Variants in FMNL3 observed in about 807,000 individuals in gnomAD.
FMNL3 encodes the protein formin-like protein 3.
Under a neutral mutation model 119.6 loss-of-function variants are expected in FMNL3, and 57 were observed. That is an observed-to-expected ratio of 0.48 (90% CI 0.39 to 0.59). The LOEUF (loss-of-function observed/expected upper bound fraction) is 0.59, where lower values mean the gene tolerates loss of function less well. FMNL3 is among the 20% of genes least tolerant of loss of function. The pLI is 0.00. For synonymous variants in FMNL3, 491 were observed against 507.3 expected (o/e 0.97, Z 0.43); for missense variants, 1,053 against 1,323.5 (o/e 0.80, Z 3.17).
At chr12:49,691,459 A>T (rs1944597814) in intron 1 of FMNL3, among the ~76,000 whole-genome samples, 1 of 152,164 alleles carries the variant, frequency 6.6e-6, no homozygotes, top group Admixed American at 6.5e-5. Flanking sequence ...AAGGCTGGAG[A>T]TGCAGCTTTC....
chr12:49,666,278 G>C, intron 2 of FMNL3, 71 bp from the exon 3 acceptor site: 1 of 1,377,782 alleles, frequency 7.3e-7, no homozygotes, highest in South Asian at 1.3e-5. Flanking sequence ...TGAGGAAGAA[G>C]AGCATTCATA....
chr12:49,654,876 T>C, intron 10 of FMNL3, 34 bp downstream of exon 10: 1 of 1,603,642 alleles, frequency 6.2e-7, no homozygotes. Context: ...ACAGCCCTGG[T>C]GGGTATGTGC....
chr12:49,652,614 C>T (rs897459906), intron 13 of FMNL3, among the ~76,000 whole-genome samples: 4 of 152,118 alleles, frequency 2.6e-5, no homozygotes, highest in African/African-American at 9.7e-5. Flanking sequence ...ATTGGAAGCC[C>T]CCTATAAACA....
intron 1 of FMNL3, among the ~76,000 whole-genome samples, chr12:49,676,520 G>GTTTTTTTTTTTTTTTTTTTT (rs58117011): frequency 9.7e-6 from 1 of 102,996 alleles, no homozygotes; most frequent in Non-Finnish European, 2.0e-5. Context: ...TTCATAGTGG[G>GTTTTTTTTTTTTTTTTTTTT]TTTTTTTTTT....
chr12:49,637,021 A>C lies in FMNL3; in HGVS notation c.*8794T>G. 1.0e-6 allele frequency: 1 copy of C among 973,678 alleles called. No individual in the cohort carries two copies. Among genetic ancestry groups the C allele is most frequent in the Non-Finnish European group, 1.5e-6 (1 of 664,326 alleles). 60.3% of individuals were successfully genotyped at this position (973,678 alleles called of 1,614,324 possible). On this transcript the variant is annotated 3_prime_UTR_variant, in exon 26 of 26. Coordinates refer to ENST00000335154, the MANE Select transcript of FMNL3 (RefSeq NM_175736.5). ...AGTCTGTTTCTGCTGTACCTCCTCA[A>C]TTCTGGACTGTGCTCTTCTAGGGAG...
At position 49,642,915 on chromosome 12, in the gene FMNL3, C is replaced by T. The variant is rs1430664707; in HGVS notation, c.*2900G>A. 3.7e-6 allele frequency: 6 copies of T among 1,609,454 alleles called. No homozygotes were observed. The highest frequency in any genetic ancestry group is 5.1e-6 in the Non-Finnish European group (6 of 1,177,516). ...TCTGGTGCTGTCCTCACCCTTCTTC[C>T]TCTGCCTCTAGCAGACTGAATGCCA... is the stretch of plus-strand genomic sequence containing the variant. On this transcript the variant is annotated 3_prime_UTR_variant, in exon 26 of 26. Coordinates refer to ENST00000335154, the MANE Select transcript of FMNL3 (RefSeq NM_175736.5). The surrounding 1 kb of genome is among the most constrained non-coding windows in gnomAD (Gnocchi z 5.8).
rs375776956 is a variant in FMNL3, at chr12:49,649,550, T to C, written c.2236-12A>G. 1.9e-6 allele frequency: 3 copies of C among 1,613,742 alleles called. No homozygotes were observed. The highest frequency in any genetic ancestry group is 2.7e-5 in the African/African-American group (2 of 74,830). On this transcript the variant is annotated splice_polypyrimidine_tract_variant and intron_variant, in intron 18 of 25. Coordinates refer to ENST00000335154, the MANE Select transcript of FMNL3 (RefSeq NM_175736.5). This position sits in a 1 kb window ranked among gnomAD's most constrained non-coding sequence, Gnocchi z 5.6. Reference sequence around the variant, plus strand: ...ATGGCATTGAGTTGCTGTAGGACAATATGAACACTGAAGTAACCCCAGGCT... The same window carrying C: ...ATGGCATTGAGTTGCTGTAGGACAACATGAACACTGAAGTAACCCCAGGCT...
intron 2 of FMNL3, among the ~76,000 whole-genome samples, chr12:49,666,510 G>C (rs184119821): frequency 6.6e-6 from 1 of 152,350 alleles, no homozygotes; most frequent in Admixed American, 6.5e-5. Flanking sequence ...TTACAGAGTT[G>C]TGAACAGCAC....
chr12:49,658,739 G>A, intron 5 of FMNL3, 145 bp from the exon 6 acceptor site: 1 of 975,860 alleles, frequency 1.0e-6, no homozygotes, highest in Admixed American at 3.1e-5. Context: ...AAGCAGAACT[G>A]GGGAGCAGAG....
At chr12:49,663,471 C>T (rs1335356569) in intron 4 of FMNL3, among the ~76,000 whole-genome samples, 2 of 152,230 alleles carry the variant, frequency 1.3e-5, no homozygotes, top group Admixed American at 1.3e-4. Context: ...CCCTGGGTTC[C>T]TGCCACCCTG....
In FMNL3 at chr12:49,646,752, C is replaced by G. The variant is rs61941185; in HGVS notation, c.2995+134G>C. On this transcript the variant is annotated intron_variant, in intron 25 of 25. Transcript: ENST00000335154. ...GGGCCGTGAAAGGGACACTCTTCAG[C>G]ACTGTGGCCCAGGAGAGAGACACAG... is the stretch of plus-strand genomic sequence containing the variant. The G allele has an allele frequency of 4.4e-6, 7 of 1,592,108 alleles. No individual in the cohort carries two copies. In the Middle Eastern group the frequency reaches 5.0e-4, roughly 113 times the overall value.
At chr12:49,676,603 G>A (rs1038831405) in intron 1 of FMNL3, among the ~76,000 whole-genome samples, 22 of 145,308 alleles carry the variant, frequency 1.5e-4, no homozygotes, top group African/African-American at 4.4e-4. Flanking sequence ...GGTAGGGGCC[G>A]TCTTATCCTT....
At position 49,640,706 on chromosome 12, in the gene FMNL3, C is replaced by G; in HGVS notation, c.*5109G>C. On this transcript the variant is annotated 3_prime_UTR_variant, in exon 26 of 26. Transcript: ENST00000335154. Reference sequence around the variant, plus strand: ...TAAGGTTGTGAGAATTAAATAACATCTGTAAAGTGTCTAATAGGTTCTCAA... The same window carrying G: ...TAAGGTTGTGAGAATTAAATAACATGTGTAAAGTGTCTAATAGGTTCTCAA... 1 of 152,208 alleles carries G rather than the reference C, an allele frequency of 6.6e-6. No homozygotes were observed. The highest frequency in any genetic ancestry group is 1.9e-4 in the East Asian group (1 of 5,206). 9.4% of individuals were successfully genotyped at this position (152,208 alleles called of 1,614,324 possible).
At chr12:49,682,359 C>T (rs1018237359) in intron 1 of FMNL3, among the ~76,000 whole-genome samples, 3 of 151,854 alleles carry the variant, frequency 2.0e-5, no homozygotes, top group Non-Finnish European at 2.9e-5. Context: ...CGTGAGCCAC[C>T]GTGCCTGGCC....
Position 49,651,386 on chromosome 12 carries a change from C to T in FMNL3, c.1668G>A (p.Leu556=), listed in dbSNP as rs1252069503. ...AAPSVVLTVG[L]SAIRIKKPIK... is the part of the protein sequence containing the mutation. ...CAGAGCCCTGGGGATACTCACCTGA[C>T]AGGCCCACTGTCAACACCACAGAGG... The change falls in exon 15 of 26, where the codon CTG becomes CTA. Residue 556 remains leucine (L), a synonymous_variant. Coordinates refer to ENST00000335154, the MANE Select transcript of FMNL3 (RefSeq NM_175736.5). 4 of 1,562,826 alleles carry T rather than the reference C, an allele frequency of 2.6e-6. No individual in the cohort carries two copies. Among genetic ancestry groups the T allele is most frequent in the Admixed American group, 1.8e-5 (1 of 56,918 alleles).
intron 5 of FMNL3, 179 bp downstream of exon 5, chr12:49,661,787 T>C: frequency 1.6e-6 from 1 of 620,120 alleles, no homozygotes; most frequent in Non-Finnish European, 2.9e-6. Context: ...TCTTCACTGA[T>C]CCCCAGACAT....
chr12:49,676,741 T>C (rs1944201507), intron 1 of FMNL3, among the ~76,000 whole-genome samples: 1 of 152,158 alleles, frequency 6.6e-6, no homozygotes, highest in Non-Finnish European at 1.5e-5. Flanking sequence ...TTTTTACCAC[T>C]GTCCTTACTA....
chr12:49,650,046 G>T, intron 17 of FMNL3, 121 bp from the exon 18 acceptor site: 2 of 786,986 alleles, frequency 2.5e-6, no homozygotes, highest in Non-Finnish European at 4.1e-6. Context: ...ACAGCCAAAG[G>T]CAAAGGACCC....
chr12:49,669,831 C>CAACAAAACAAAACAA (rs58452472), intron 1 of FMNL3, among the ~76,000 whole-genome samples: 1,646 of 147,708 alleles, frequency 0.011, 21 homozygotes, highest in African/African-American at 0.021. Context: ...GATTCTATCT[C>CAACAAAACAAAACAA]AACAAAACAA....
Sources: gnomAD v4.1 joint callset for allele counts (sites outside exome capture counted in the v4.1 genomes callset) on GRCh38, gnomAD v4.1.1 for gene constraint, Gnocchi (gnomAD v3.1) non-coding constraint, MANE v1.5 for transcripts, NCBI Gene and HGNC (gene_info 2026-07-23, HGNC 2026-07-21) for gene names.